The following TMCO6 variants were observed in gnomAD, a reference collection of about 807,000 sequenced individuals.
TMCO6 encodes transmembrane and coiled-coil domains 6.
Under a neutral mutation model 61.8 loss-of-function variants are expected in TMCO6, and 47 were observed. The ratio of observed to expected loss-of-function variants is 0.76; its 90% CI spans 0.60 to 0.97. The LOEUF is 0.97. Among genes scored for constraint, TMCO6 ranks in the 50% least tolerant of loss-of-function variants. TMCO6 has a pLI of 0.00. For synonymous variants in TMCO6, 261 were observed against 254.2 expected, an observed-to-expected ratio of 1.03 and a Z score of -0.25; for missense variants, 557 against 601.6, an observed-to-expected ratio of 0.93 and a Z score of 0.78.
At chr5:140,633,009 C>G in the TMCO6 span, 1 of 1,614,064 alleles carries the variant, frequency 6.2e-7, no homozygotes, top group South Asian at 1.1e-5. Context: ...TCTAGGAGGC[C>G]CCATCCAACC....
At chr5:140,600,820 A>G in the TMCO6 span, among the ~76,000 whole-genome samples, 2 of 152,140 alleles carry the variant, frequency 1.3e-5, no homozygotes, top group Admixed American at 1.3e-4. Flanking sequence ...GAAATGTTCC[A>G]CGGTCAGATA....
downstream of TMCO6, chr5:140,647,381 C>A (rs1288840748): frequency 6.2e-7 from 1 of 1,610,940 alleles, no homozygotes; most frequent in African/African-American, 1.3e-5. Flanking sequence ...CCGGAGAGAG[C>A]GCCGCGCGTG....
the TMCO6 span, among the ~76,000 whole-genome samples, chr5:140,602,113 G>T: frequency 1.3e-5 from 2 of 152,082 alleles, no homozygotes; most frequent in Non-Finnish European, 2.9e-5. Flanking sequence ...TATACACTAG[G>T]TCTCCAACTT....
the TMCO6 span, among the ~76,000 whole-genome samples, chr5:140,597,216 T>C: frequency 1.3e-5 from 2 of 152,202 alleles, no homozygotes; most frequent in Admixed American, 6.5e-5. Context: ...GAGAAGTCAG[T>C]GTGGGGTAGG....
At chr5:140,600,894 T>C in the TMCO6 span, among the ~76,000 whole-genome samples, 1 of 152,200 alleles carries the variant, frequency 6.6e-6, no homozygotes, top group Admixed American at 6.5e-5. Context: ...TGTTCAAACA[T>C]ACGAATTTTA....
the TMCO6 span, among the ~76,000 whole-genome samples, chr5:140,598,041 C>T: frequency 6.6e-6 from 1 of 152,218 alleles, no homozygotes; most frequent in South Asian, 2.1e-4. Context: ...ACCCCTCTCC[C>T]CTAGATTTTC....
chr5:140,624,296 C>CGGA, the TMCO6 span, among the ~76,000 whole-genome samples: 4 of 150,928 alleles, frequency 2.7e-5, no homozygotes, highest in African/African-American at 9.8e-5. Context: ...ACCTGGGAGG[C>CGGA]GGAGGTTGCA....
chr5:140,604,831 T>G, the TMCO6 span, among the ~76,000 whole-genome samples: 1 of 152,106 alleles, frequency 6.6e-6, no homozygotes, highest in Middle Eastern at 3.4e-3. Flanking sequence ...AGCATTATTT[T>G]TGAAGAGATT....
chr5:140,599,765 G>T, the TMCO6 span, among the ~76,000 whole-genome samples: 1 of 152,148 alleles, frequency 6.6e-6, no homozygotes, highest in African/African-American at 2.4e-5. Context: ...GCTGGGCATG[G>T]TGGTGCACAC....
chr5:140,628,920 A>G, the TMCO6 span, among the ~76,000 whole-genome samples: 49,469 of 151,940 alleles, frequency 0.33, 8,555 homozygotes, highest in African/African-American at 0.43. Flanking sequence ...GTGTAGATAC[A>G]CTGTACAAAG....
the TMCO6 span, among the ~76,000 whole-genome samples, chr5:140,631,336 A>AGTGT: frequency 8.6e-3 from 1,303 of 151,394 alleles, 20 homozygotes; most frequent in African/African-American, 0.031. Flanking sequence ...AGGGTGTGTG[A>AGTGT]GTGTGTGTGT....
downstream of TMCO6, chr5:140,645,661 TC>T (rs863224084): frequency 2.5e-6 from 4 of 1,614,180 alleles, no homozygotes; most frequent in South Asian, 4.4e-5. Flanking sequence ...AAAGGGACAT[TC>T]GTCTCTTGGC....
At chr5:140,643,073 C>T in intron 7 of TMCO6, 32 bp downstream of exon 7, 1 of 1,613,882 alleles carries the variant, frequency 6.2e-7, no homozygotes, top group Admixed American at 1.7e-5. Flanking sequence ...TACCACAGAT[C>T]TTCCCTGGGG....
chr5:140,638,323 A>G (rs572046652), upstream of TMCO6, among the ~76,000 whole-genome samples: 1 of 152,328 alleles, frequency 6.6e-6, no homozygotes, highest in Non-Finnish European at 1.5e-5. Context: ...GGTGCCTGTA[A>G]TGAACTAGAA....
At chr5:140,604,761 A>T in the TMCO6 span, among the ~76,000 whole-genome samples, 1 of 147,532 alleles carries the variant, frequency 6.8e-6, no homozygotes, top group Admixed American at 6.7e-5. Context: ...GAGAGAGGTA[A>T]TGGTCTAGTG....
At chr5:140,615,546 T>C in the TMCO6 span, among the ~76,000 whole-genome samples, 1 of 152,120 alleles carries the variant, frequency 6.6e-6, no homozygotes, top group Admixed American at 6.6e-5. Flanking sequence ...TCAAAACTTA[T>C]CACAAAGTTG....
chr5:140,605,442 G>A, the TMCO6 span, among the ~76,000 whole-genome samples: 1 of 152,108 alleles, frequency 6.6e-6, no homozygotes, highest in Non-Finnish European at 1.5e-5. Flanking sequence ...TGCTTTGGGA[G>A]GCTGAGGCGG....
the TMCO6 span, among the ~76,000 whole-genome samples, chr5:140,617,197 G>A: frequency 6.6e-6 from 1 of 152,190 alleles, no homozygotes; most frequent in South Asian, 2.1e-4. Context: ...AGGCCAAGGT[G>A]GGCAGATCAC....
the TMCO6 span, among the ~76,000 whole-genome samples, chr5:140,605,663 G>A: frequency 4.0e-4 from 61 of 151,170 alleles, no homozygotes; most frequent in Middle Eastern, 6.8e-3. Flanking sequence ...CTGGGTTACA[G>A]AGCGAGACTC....
Sources: allele counts gnomAD v4.1 joint callset (sites outside exome capture counted in the v4.1 genomes callset), GRCh38; gene constraint gnomAD v4.1.1; transcripts MANE v1.5; gene names NCBI Gene and HGNC (gene_info 2026-07-23, HGNC 2026-07-21).